The following HELB variants were observed in gnomAD, a reference collection of about 807,000 sequenced individuals.
The protein encoded by HELB is DNA helicase B.
In HELB, 96 loss-of-function variants were observed where a neutral mutation model predicts 101.7. The observed-to-expected ratio is 0.94, with a 90% CI of 0.80 to 1.12. The LOEUF is 1.12. Among genes scored for constraint, HELB ranks in the 50% most tolerant of loss-of-function variants. The probability of loss-of-function intolerance (pLI) is 0.00; values close to 1 mark genes in which losing one functional copy is unlikely to be tolerated. For synonymous variants in HELB, 437 were observed against 459.7 expected (o/e 0.95, Z 0.63); for missense variants, 1,210 against 1,291.9 (o/e 0.94, Z 0.97).
intron 4 of HELB, among the ~76,000 whole-genome samples, chr12:66,312,032 C>A (rs1488898085): frequency 6.6e-6 from 1 of 152,142 alleles, no homozygotes; most frequent in African/African-American, 2.4e-5. Flanking sequence ...TGGAATGAAG[C>A]CTGTGTCTGA....
Position 66,324,985 on chromosome 12 carries a change from T to A in HELB, c.2529T>A (p.Asp843Glu). Residue 843 changes from aspartate (D) to glutamate (E), a missense_variant and splice_region_variant, in exon 11 of 13, where the codon GAT (aspartate) becomes GAA (glutamate). Physicochemically the swap from Asp to Glu is conservative, Grantham distance 45. This residue lies in a region of HELB where 740 missense variants were observed against 728.8 expected (regional missense o/e 1.02). Coordinates refer to ENST00000247815, the MANE Select transcript of HELB (RefSeq NM_001370285.1). Reference protein sequence around the residue: ...CNGEIFFITNDVTDVTFGKRR... With the variant: ...CNGEIFFITNEVTDVTFGKRR... ...ATAGTTCTTTGGTTTGGTGACAGGA[T>A]GTAACTGATGTAACTTTTGGAAAGA... The A allele has an allele frequency of 6.2e-7, 1 of 1,612,192 alleles. No individual in the cohort carries two copies. Among genetic ancestry groups the A allele is most frequent in the South Asian group, 1.1e-5 (1 of 91,006 alleles).
intron 11 of HELB, among the ~76,000 whole-genome samples, chr12:66,329,113 A>G (rs1355460787): frequency 1.3e-5 from 2 of 152,242 alleles, no homozygotes; most frequent in Admixed American, 6.5e-5. Flanking sequence ...AAGCAGTTTG[A>G]CAGTTCTGAT....
Position 66,314,139 on chromosome 12 carries a change from A to T in HELB, c.1834A>T (p.Lys612Ter). 6.2e-7 allele frequency: 1 copy of T among 1,613,496 alleles called. No individual in the cohort carries two copies. The highest frequency in any genetic ancestry group is 8.5e-7 in the Non-Finnish European group (1 of 1,179,530). The change falls in exon 5 of 13, where the codon AAA becomes TAA. Residue 612 changes from lysine (K) to a stop codon, truncating the protein, a stop_gained. Transcript: ENST00000247815. LOFTEE classifies it high-confidence loss of function. ...SVLNLLCEHS[K>*]LSKLIILGDI... ...CTTAAATTTATTGTGTGAGCACTCC[A>T]AACTTTCTAAGCTTATTATCCTTGG...
intron 1 of HELB, among the ~76,000 whole-genome samples, chr12:66,303,686 T>G (rs540526320): frequency 4.6e-5 from 7 of 152,206 alleles, no homozygotes; most frequent in African/African-American, 1.7e-4. Flanking sequence ...AAGGAACACC[T>G]CAGTGCACAG....
chr12:66,337,940 C>A (rs1267820778), intron 12 of HELB, 61 bp from the exon 13 acceptor site: 1 of 939,034 alleles, frequency 1.1e-6, no homozygotes, highest in Non-Finnish European at 1.7e-6. Context: ...AATACAAGTA[C>A]GTAGGGTAGA....
At chr12:66,314,545 C>T (rs2053579878) in intron 5 of HELB, among the ~76,000 whole-genome samples, 1 of 152,082 alleles carries the variant, frequency 6.6e-6, no homozygotes, top group South Asian at 2.1e-4. Context: ...TAAATCAGAC[C>T]TCACCAGCCT....
intron 4 of HELB, 99 bp downstream of exon 4, chr12:66,310,707 CAG>C: frequency 9.3e-7 from 1 of 1,076,780 alleles, no homozygotes; most frequent in Non-Finnish European, 1.4e-6. Context: ...CTGAGGCGGG[CAG>C]ATCACAAGGT....
At chr12:66,330,133 A>G (rs1028540083) in intron 11 of HELB, among the ~76,000 whole-genome samples, 3 of 152,170 alleles carry the variant, frequency 2.0e-5, no homozygotes, top group African/African-American at 7.2e-5. Flanking sequence ...TGGGGGAGAT[A>G]ATGGTACAAA....
downstream of HELB, chr12:66,339,292 C>T: frequency 6.7e-6 from 1 of 150,180 alleles, no homozygotes; most frequent in Non-Finnish European, 1.5e-5. Context: ...CCATTATTAT[C>T]AATTTTAGAA....
chr12:66,332,324 C>T (rs780498846), intron 12 of HELB, among the ~76,000 whole-genome samples: 8 of 152,292 alleles, frequency 5.3e-5, no homozygotes, highest in Non-Finnish European at 7.4e-5. Flanking sequence ...TTCCCATTCT[C>T]GTAATGTAGC....
At chr12:66,316,258 G>A (rs548874759) in intron 6 of HELB, among the ~76,000 whole-genome samples, 84 of 152,156 alleles carry the variant, frequency 5.5e-4, no homozygotes, top group African/African-American at 1.8e-3. Context: ...CTATTCACAC[G>A]ACGATGAACA....
Position 66,310,096 on chromosome 12 carries a change from C to T in HELB, c.1168C>T (p.His390Tyr). The change falls in exon 4 of 13, where the codon CAC (histidine) becomes TAC (tyrosine). Residue 390 changes from histidine (H) to tyrosine (Y), a missense_variant. This residue lies in a region of HELB where 470 missense variants were observed against 563.1 expected (regional missense o/e 0.83). Transcript: ENST00000247815. The stretch of plus-strand genomic sequence containing the variant: ...TGTCGAAAAGGTGCTTGCCTCTATT[C>T]ACACCACAAAACCTGAGAATTCAAG... ...VDVEKVLASI[H>Y]TTKPENSSDD... 6.2e-7 allele frequency: 1 copy of T among 1,614,184 alleles called. No homozygotes were observed.
intron 5 of HELB, among the ~76,000 whole-genome samples, chr12:66,314,431 A>G (rs1444764012): frequency 6.6e-6 from 1 of 152,186 alleles, no homozygotes; most frequent in Non-Finnish European, 1.5e-5. Flanking sequence ...TTAAAATAGT[A>G]AAAGTGCCAC....
chr12:66,324,261 G>A (rs1274126176), intron 10 of HELB, 50 bp downstream of exon 10: 1 of 1,224,176 alleles, frequency 8.2e-7, no homozygotes, highest in Non-Finnish European at 1.2e-6. Flanking sequence ...AGATATGTTT[G>A]GTTATTTTAT....
intron 6 of HELB, 98 bp from the exon 7 acceptor site, chr12:66,318,540 A>G (rs1217786754): frequency 2.0e-5 from 22 of 1,097,346 alleles, no homozygotes; most frequent in Non-Finnish European, 2.8e-5. Context: ...TTATCTATTA[A>G]TAGATACTAA....
downstream of HELB, chr12:66,342,092 T>A (rs1429286246): frequency 6.6e-6 from 1 of 152,224 alleles, no homozygotes; most frequent in Non-Finnish European, 1.5e-5. Context: ...TCCAAAGTCA[T>A]GATGATTTAC....
At chr12:66,303,311 G>A (rs2053431513) in intron 1 of HELB, among the ~76,000 whole-genome samples, 1 of 151,878 alleles carries the variant, frequency 6.6e-6, no homozygotes, top group African/African-American at 2.4e-5. Flanking sequence ...AGTCAAATAC[G>A]TGGTTCTTCC....
Position 66,303,083 on chromosome 12 carries a change from GC to G in HELB, c.187+296del, listed in dbSNP as rs2053426978. Among the ~76,000 whole-genome samples the G allele has an allele frequency of 7.1e-5, 9 of 126,464 alleles. No homozygotes were observed. The South Asian group carries it at 1.8e-3, about 25-fold the overall frequency. 83.0% of individuals were successfully genotyped at this position (126,464 alleles called of 152,430 possible). ...GTGTGGAAGGGGACCCGAGCGGGTTGCCCTTTTTTTTTTTTTTTTTTTTTAA... is the reference window on the plus strand; with the variant it reads ...GTGTGGAAGGGGACCCGAGCGGGTTGCCTTTTTTTTTTTTTTTTTTTTTAA... On this transcript the variant is annotated intron_variant, in intron 1 of 12. Coordinates refer to ENST00000247815, the MANE Select transcript of HELB (RefSeq NM_001370285.1).
intron 5 of HELB, among the ~76,000 whole-genome samples, 184 bp downstream of exon 5, chr12:66,314,347 A>G (rs2053577489): frequency 6.6e-6 from 1 of 152,144 alleles, no homozygotes; most frequent in Non-Finnish European, 1.5e-5. Flanking sequence ...TGTTTTGGCC[A>G]GGATATTAGC....
Sources: gnomAD v4.1 joint callset for allele counts (sites outside exome capture counted in the v4.1 genomes callset) on GRCh38, gnomAD v4.1.1 for gene constraint, gnomAD v4.1.1 regional missense constraint, MANE v1.5 for transcripts, NCBI Gene and HGNC (gene_info 2026-07-23, HGNC 2026-07-21) for gene names.